Variants in ANO6 observed in about 807,000 individuals in gnomAD.
The protein encoded by ANO6 is anoctamin-6.
In ANO6, 106 loss-of-function variants were observed where a neutral mutation model predicts 117.5. The observed-to-expected ratio is 0.90, with a 90% CI of 0.77 to 1.06. The LOEUF (loss-of-function observed/expected upper bound fraction) is 1.06, where lower values mean the gene tolerates loss of function less well. ANO6 is among the 50% of genes least tolerant of loss of function. ANO6 has a pLI of 0.00. For synonymous variants in ANO6, 367 were observed against 385.1 expected (o/e 0.95, Z 0.55); for missense variants, 955 against 1,121.1 (o/e 0.85, Z 2.12).
At chr12:45,234,366 ATAATTTAT>A (rs1161657395) in intron 1 of ANO6, among the ~76,000 whole-genome samples, 9 of 152,198 alleles carry the variant, frequency 5.9e-5, no homozygotes, top group Admixed American at 4.6e-4. Flanking sequence ...TTCATGTGTA[ATAATTTAT>A]TTCTCCAGAA....
intron 16 of ANO6, among the ~76,000 whole-genome samples, chr12:45,411,898 G>C (rs1943095396): frequency 6.6e-6 from 1 of 152,160 alleles, no homozygotes; most frequent in Non-Finnish European, 1.5e-5. Flanking sequence ...GGCAGCTACT[G>C]CGTCCTCTGC....
chr12:45,230,868 G>A (rs1947563822), intron 1 of ANO6, among the ~76,000 whole-genome samples: 1 of 152,154 alleles, frequency 6.6e-6, no homozygotes. Flanking sequence ...ATTTTAGGCT[G>A]GGTGCAGCAG....
chr12:45,316,210 G>C (rs904200024), intron 2 of ANO6, among the ~76,000 whole-genome samples: 1 of 151,998 alleles, frequency 6.6e-6, no homozygotes, highest in African/African-American at 2.4e-5. Context: ...GTACTGTTGG[G>C]AAATATCACT....
chr12:45,365,127 C>T (rs895226838), intron 8 of ANO6, among the ~76,000 whole-genome samples: 17 of 152,246 alleles, frequency 1.1e-4, no homozygotes, highest in Non-Finnish European at 1.9e-4. Flanking sequence ...GCCTTTGCCT[C>T]ATCTCATGGC....
rs552789930 is a variant in ANO6 at position 45,260,632 on chromosome 12, T to C, written c.71-41382T>C. 2.4e-4 allele frequency among the ~76,000 whole-genome samples: 36 copies of C among 152,294 alleles called. No individual in the cohort carries two copies. The South Asian group carries it at 3.5e-3, about 15-fold the overall frequency. On this transcript the variant is annotated intron_variant, in intron 1 of 19. Coordinates refer to ENST00000320560, the MANE Select transcript of ANO6 (RefSeq NM_001025356.3). ...ATGCATGAATTAGGTGCTAGTCTTA[T>C]GCTATCACAAGTCCTGCTCAGAGGG...
chr12:45,247,332 G>T (rs905230494), intron 1 of ANO6, among the ~76,000 whole-genome samples: 2 of 152,162 alleles, frequency 1.3e-5, no homozygotes, highest in African/African-American at 4.8e-5. Flanking sequence ...TATATTAAGT[G>T]CCAGGCATAA....
chr12:45,298,994 A>C (rs1344239355), intron 1 of ANO6, among the ~76,000 whole-genome samples: 4 of 152,122 alleles, frequency 2.6e-5, no homozygotes, highest in East Asian at 1.9e-4. Context: ...AAAAAAAAAA[A>C]CAAAAACCCC....
chr12:45,403,316 T>C (rs573554772), intron 14 of ANO6, 75 bp downstream of exon 14: 3 of 1,555,606 alleles, frequency 1.9e-6, no homozygotes, highest in Non-Finnish European at 2.7e-6. Flanking sequence ...AATAGTTTTT[T>C]ATTGTAAATT....
chr12:45,255,882 G>A (rs1008290741), intron 1 of ANO6, among the ~76,000 whole-genome samples: 5 of 148,522 alleles, frequency 3.4e-5, no homozygotes, highest in African/African-American at 5.0e-5. Context: ...GCGCAGTGGC[G>A]GGATCTCGGC....
rs1942424275 is a variant in ANO6, at chr12:45,390,647, T to C, written c.1386+149T>C. On this transcript the variant is annotated intron_variant, in intron 12 of 19. Coordinates refer to ENST00000320560, the MANE Select transcript of ANO6 (RefSeq NM_001025356.3). ...AGAGAGACAGACAGATATTTCCAGATAACTATTTTAGCCACCACATAGAGC... is the reference window on the plus strand; with the variant it reads ...AGAGAGACAGACAGATATTTCCAGACAACTATTTTAGCCACCACATAGAGC... 5.3e-6 allele frequency: 4 copies of C among 756,220 alleles called. No homozygotes were observed. In the Admixed American group the frequency reaches 9.5e-5, roughly 18 times the overall value. 46.8% of individuals were successfully genotyped at this position (756,220 alleles called of 1,614,324 possible). A position where few individuals can be genotyped will look rare whatever the true frequency, so the allele number is the denominator to read the frequency against.
chr12:45,311,696 C>G (rs531922013), intron 2 of ANO6, among the ~76,000 whole-genome samples: 1 of 151,964 alleles, frequency 6.6e-6, no homozygotes, highest in African/African-American at 2.4e-5. Context: ...AATTAAAATA[C>G]CTCACACCTT....
At chr12:45,437,444 C>T (rs1225938685) in intron 19 of ANO6, among the ~76,000 whole-genome samples, 4 of 152,070 alleles carry the variant, frequency 2.6e-5, no homozygotes, top group African/African-American at 9.7e-5. Context: ...ATGCAATGGG[C>T]TTATTCTTAT....
chr12:45,367,940 T>A, intron 9 of ANO6, 147 bp downstream of exon 9: 1 of 661,120 alleles, frequency 1.5e-6, no homozygotes, highest in Non-Finnish European at 2.6e-6. Context: ...GACATTAATA[T>A]ACAATGCTTT....
At chr12:45,266,834 G>A (rs1266157725) in intron 1 of ANO6, among the ~76,000 whole-genome samples, 2 of 150,446 alleles carry the variant, frequency 1.3e-5, no homozygotes, top group African/African-American at 4.9e-5. Flanking sequence ...GTGTGTGTGT[G>A]TGTGTGTGTA....
At chr12:45,306,657 G>T (rs17095716) in intron 2 of ANO6, among the ~76,000 whole-genome samples, 2,641 of 151,994 alleles carry the variant, frequency 0.017, 56 homozygotes, top group East Asian at 0.086. Flanking sequence ...TGATCCCAAG[G>T]AAGAGTTAAA....
rs114995546 is a variant in ANO6 at position 45,272,467 on chromosome 12, G to A, written c.71-29547G>A. Among the ~76,000 whole-genome samples, 1,107 of 152,258 alleles carry A rather than the reference G, an allele frequency of 7.3e-3. 18 individuals carry two copies. Among genetic ancestry groups the A allele is most frequent in the African/African-American group, 0.025 (1,040 of 41,536 alleles). On this transcript the variant is annotated intron_variant, in intron 1 of 19. Coordinates refer to ENST00000320560, the MANE Select transcript of ANO6 (RefSeq NM_001025356.3). ...ATTTACCTGTTCACTAGAGAGAGGA[G>A]CCAAAATTTAAATCCAAGTAAGTCT...
At position 45,401,825 on chromosome 12, in the gene ANO6, A is replaced by C. The variant is rs1187537846; in HGVS notation, c.1417A>C (p.Ile473Leu). Reference sequence around the variant, plus strand: ...ATTGATCATCGCTTCAGTTATTGGGATCATTGTCTATAGGCTCTCGGTGTT... The same window carrying C: ...ATTGATCATCGCTTCAGTTATTGGGCTCATTGTCTATAGGCTCTCGGTGTT... ...ILLIIASVIG[I>L]IVYRLSVFIV... Residue 473 changes from isoleucine to leucine, a missense_variant, in exon 13 of 20, where the codon ATC (isoleucine) becomes CTC (leucine). Ile to Leu is a conservative substitution (Grantham distance 5, BLOSUM62 2). Transcript: ENST00000320560. 1 of 1,613,080 alleles carries C rather than the reference A, an allele frequency of 6.2e-7. No homozygotes were observed. Among genetic ancestry groups the C allele is most frequent in the Admixed American group, 1.7e-5 (1 of 59,916 alleles).
At chr12:45,321,362 C>T (rs553568968) in intron 2 of ANO6, among the ~76,000 whole-genome samples, 18 of 151,962 alleles carry the variant, frequency 1.2e-4, no homozygotes, top group Non-Finnish European at 2.2e-4. Context: ...GGACCTTTAC[C>T]CAAGCATGAT....
chr12:45,394,423 A>G (rs960200839), intron 12 of ANO6, among the ~76,000 whole-genome samples: 11 of 151,914 alleles, frequency 7.2e-5, no homozygotes, highest in African/African-American at 2.2e-4. Flanking sequence ...CCCACTGTCA[A>G]TATTAGATCA....
Sources: allele counts gnomAD v4.1 joint callset (sites outside exome capture counted in the v4.1 genomes callset), GRCh38; gene constraint gnomAD v4.1.1; transcripts MANE v1.5; gene names NCBI Gene and HGNC (gene_info 2026-07-23, HGNC 2026-07-21).